The following ARFGEF3 variants were observed in gnomAD, a reference collection of about 807,000 sequenced individuals.
The protein encoded by ARFGEF3 is brefeldin A-inhibited guanine nucleotide-exchange protein 3.
A neutral mutation model predicts 221.7 loss-of-function variants in ARFGEF3; 96 were observed. The observed-to-expected ratio is 0.43, with a 90% CI of 0.37 to 0.51. The LOEUF (loss-of-function observed/expected upper bound fraction) is 0.51, where lower values mean the gene tolerates loss of function less well. ARFGEF3 is among the 20% of genes least tolerant of loss of function. The pLI, the probability that ARFGEF3 is intolerant of heterozygous loss-of-function variation, is 0.00. For missense variants in ARFGEF3, 2,410 were observed against 2,789.9 expected, an observed-to-expected ratio of 0.86 and a Z score of 3.07; for synonymous variants, 1,145 against 1,126.8, an observed-to-expected ratio of 1.02 and a Z score of -0.32.
intron 26 of ARFGEF3, among the ~76,000 whole-genome samples, chr6:138,314,984 T>G (rs1298194095): frequency 6.6e-6 from 1 of 152,246 alleles, no homozygotes; most frequent in East Asian, 1.9e-4. Flanking sequence ...CTAAAACTAC[T>G]GCAAATTTGC....
At position 138,298,708 on chromosome 6, in the gene ARFGEF3, C is replaced by T. The variant is rs1779567949; in HGVS notation, c.3751C>T (p.His1251Tyr). Reference protein sequence around the residue: ...LTDWNEPPHFHFNEALFRPFE... With the variant: ...LTDWNEPPHFYFNEALFRPFE... ...TGACTGGAATGAGCCACCTCATTTT[C>T]ACTTCAATGAAGCACTCTTCCGACC... The change falls in exon 22 of 34, where the codon CAC becomes TAC. Residue 1251 changes from histidine to tyrosine, a missense_variant. By Grantham distance (83) the His-to-Tyr change is moderately conservative (BLOSUM62 2). Around this residue, in one of 5 missense-constraint regions of ARFGEF3, gnomAD observed 723 missense variants for 991.9 expected, o/e 0.73. Transcript: ENST00000251691. 1.2e-6 allele frequency: 2 copies of T among 1,613,650 alleles called. No individual in the cohort carries two copies. Among genetic ancestry groups the T allele is most frequent in the South Asian group, 2.2e-5 (2 of 90,998 alleles).
At chr6:138,312,833 C>G (rs1462321200) in intron 25 of ARFGEF3, among the ~76,000 whole-genome samples, 1 of 152,150 alleles carries the variant, frequency 6.6e-6, no homozygotes, top group Non-Finnish European at 1.5e-5. Flanking sequence ...CTTCAGCCTC[C>G]CGAGTAGCTG....
rs879417638 is a variant in ARFGEF3 at position 138,194,250 on chromosome 6, A to T, written c.138-12792A>T. 4.0e-5 allele frequency among the ~76,000 whole-genome samples: 6 copies of T among 150,446 alleles called. No homozygotes were observed. The Admixed American group carries it at 4.0e-4, about 10-fold the overall frequency. Reference sequence around the variant, plus strand: ...GCTACTGCACTCCAGCCTGGGTGACAGAGCAAGACTCCGTCTCCAAAAAAA... The same window carrying T: ...GCTACTGCACTCCAGCCTGGGTGACTGAGCAAGACTCCGTCTCCAAAAAAA... On this transcript the variant is annotated intron_variant, in intron 2 of 33. Coordinates refer to ENST00000251691, the MANE Select transcript of ARFGEF3 (RefSeq NM_020340.5).
At chr6:138,180,986 A>G (rs1300192256) in intron 2 of ARFGEF3, among the ~76,000 whole-genome samples, 1 of 152,164 alleles carries the variant, frequency 6.6e-6, no homozygotes, top group Non-Finnish European at 1.5e-5. Flanking sequence ...GTCTCCTTTT[A>G]ACATAGTATA....
Position 138,334,828 on chromosome 6 carries a change from G to A in ARFGEF3, c.5982G>A (p.Val1994=). 1.2e-6 allele frequency: 2 copies of A among 1,600,382 alleles called. No individual in the cohort carries two copies. The highest frequency in any genetic ancestry group is 2.3e-5 in the East Asian group (1 of 44,178). Residue 1994 remains valine, a synonymous_variant, in exon 33 of 34, where the codon GTG becomes GTA. Coordinates refer to ENST00000251691, the MANE Select transcript of ARFGEF3 (RefSeq NM_020340.5). This position sits in a 1 kb window ranked among gnomAD's most constrained non-coding sequence, Gnocchi z 5.1. ...GDLLLPPSPK[V]EKKDPSRKKE... ...TGCTGCTGCCCCCCAGCCCCAAAGTGGAGAAGAAGGATCCCAGCCGGAAGA... is the reference window on the plus strand; with the variant it reads ...TGCTGCTGCCCCCCAGCCCCAAAGTAGAGAAGAAGGATCCCAGCCGGAAGA...
chr6:138,287,501 G>A (rs1199662473), intron 17 of ARFGEF3, among the ~76,000 whole-genome samples: 1 of 152,228 alleles, frequency 6.6e-6, no homozygotes, highest in East Asian at 1.9e-4. Context: ...CTTCACACAA[G>A]TGCACACTTG....
At position 138,324,164 on chromosome 6, in the gene ARFGEF3, G is replaced by T. The variant is rs6919776; in HGVS notation, c.5001+10G>T. 9,791 of 1,609,484 alleles carry T rather than the reference G, an allele frequency of 6.1e-3. 457 individuals carry two copies. In the African/African-American group the frequency reaches 0.11, roughly 18 times the overall value. ...AGCCATGGCCCAGCAGGTAAGGGCA[G>T]GGGCTTTTGATCTCAGGAGCTCTAG... On this transcript the variant is annotated intron_variant, in intron 31 of 33. Coordinates refer to ENST00000251691, the MANE Select transcript of ARFGEF3 (RefSeq NM_020340.5).
chr6:138,232,300 A>T (rs1046565640), intron 5 of ARFGEF3, among the ~76,000 whole-genome samples: 1 of 152,160 alleles, frequency 6.6e-6, no homozygotes, highest in Non-Finnish European at 1.5e-5. Context: ...TGAGGTTGAG[A>T]GTTCGAGACC....
At chr6:138,265,117 A>T (rs909081098) in intron 12 of ARFGEF3, among the ~76,000 whole-genome samples, 2 of 152,034 alleles carry the variant, frequency 1.3e-5, no homozygotes, top group South Asian at 4.2e-4. Context: ...GTTAGCCAGG[A>T]TGGTCTCGAT....
chr6:138,328,866 G>A (rs1780171260), intron 32 of ARFGEF3, among the ~76,000 whole-genome samples: 2 of 152,102 alleles, frequency 1.3e-5, no homozygotes, highest in Admixed American at 6.5e-5. Context: ...GCATGATGGC[G>A]CATGCCTGTA....
At chr6:138,217,990 A>G (rs1331174134) in intron 4 of ARFGEF3, 15 of 1,604,492 alleles carry the variant, frequency 9.3e-6, no homozygotes, top group Non-Finnish European at 1.3e-5. Flanking sequence ...CTGAGAGTTT[A>G]TATGATCTGT....
At chr6:138,310,524 C>A (rs1189351761) in intron 24 of ARFGEF3, among the ~76,000 whole-genome samples, 3 of 152,176 alleles carry the variant, frequency 2.0e-5, no homozygotes, top group African/African-American at 7.2e-5. Context: ...CATTTGCTAA[C>A]CCTTGCTCGA....
Position 138,341,673 on chromosome 6 carries a change from T to C in ARFGEF3, c.*5187T>C. ...TAGTAGTGGAGCAATCTAGAAAACA[T>C]ACCTTTTTTGTTTGTTTGGAAGATC... is the stretch of plus-strand genomic sequence containing the variant. On this transcript the variant is annotated 3_prime_UTR_variant, in exon 34 of 34. Coordinates refer to ENST00000251691, the MANE Select transcript of ARFGEF3 (RefSeq NM_020340.5). 1 of 152,142 alleles carries C rather than the reference T, an allele frequency of 6.6e-6. No individual in the cohort carries two copies. The highest frequency in any genetic ancestry group is 1.5e-5 in the Non-Finnish European group (1 of 68,034). The allele number at this position is 152,142 out of a possible 1,614,324, so 9.4% of individuals were successfully genotyped here.
Position 138,334,608 on chromosome 6 carries a change from A to G in ARFGEF3, c.5762A>G (p.Asp1921Gly). The G allele has an allele frequency of 1.2e-6, 2 of 1,613,672 alleles. No homozygotes were observed. The highest frequency in any genetic ancestry group is 1.7e-6 in the Non-Finnish European group (2 of 1,179,888). ...LCNNYIQMHL[D>G]LENCMEEPPI... The stretch of plus-strand genomic sequence containing the variant: ...AACAACTACATCCAGATGCACTTGG[A>G]CCTGGAGAACTGTATGGAGGAGCCT... Residue 1921 changes from aspartate (D) to glycine (G), a missense_variant, in exon 33 of 34, where the codon GAC becomes GGC. By Grantham distance (94) the Asp-to-Gly change is moderately conservative. Coordinates refer to ENST00000251691, the MANE Select transcript of ARFGEF3 (RefSeq NM_020340.5). This position sits in a 1 kb window ranked among gnomAD's most constrained non-coding sequence, Gnocchi z 5.1.
intron 25 of ARFGEF3, among the ~76,000 whole-genome samples, chr6:138,311,929 G>T (rs575916436): frequency 6.6e-6 from 1 of 152,282 alleles, no homozygotes; most frequent in East Asian, 1.9e-4. Context: ...GCAGAGATGG[G>T]TGGATTACCT....
chr6:138,180,146 A>G (rs1777050124), intron 2 of ARFGEF3, among the ~76,000 whole-genome samples: 1 of 152,216 alleles, frequency 6.6e-6, no homozygotes, highest in Non-Finnish European at 1.5e-5. Flanking sequence ...AAAGAAACAT[A>G]TCTGCATCAA....
chr6:138,197,763 TG>T (rs1339003829), intron 2 of ARFGEF3, among the ~76,000 whole-genome samples: 4 of 152,214 alleles, frequency 2.6e-5, no homozygotes, highest in Non-Finnish European at 4.4e-5. Flanking sequence ...CTCAGCACGG[TG>T]ACTGGCATGC....
intron 26 of ARFGEF3, among the ~76,000 whole-genome samples, chr6:138,314,525 A>G (rs563214301): frequency 3.3e-5 from 5 of 152,356 alleles, no homozygotes; most frequent in African/African-American, 1.2e-4. Flanking sequence ...CACCAACTCA[A>G]GAGTCTCATC....
rs1395219534 is a variant in ARFGEF3, at chr6:138,340,648, G to A, written c.*4162G>A. 1 of 152,186 alleles carries A rather than the reference G, an allele frequency of 6.6e-6. No homozygotes were observed. Among genetic ancestry groups the A allele is most frequent in the African/African-American group, 2.4e-5 (1 of 41,432 alleles). 9.4% of individuals were successfully genotyped at this position (152,186 alleles called of 1,614,324 possible). A position where few individuals can be genotyped will look rare whatever the true frequency, so the allele number is the denominator to read the frequency against. On this transcript the variant is annotated 3_prime_UTR_variant, in exon 34 of 34. Coordinates refer to ENST00000251691, the MANE Select transcript of ARFGEF3 (RefSeq NM_020340.5). ...TCCTCACAACAACCTTGTGAGACAA[G>A]TGTTGTGTTCCTCATTTTTTCAGAG...
Sources: allele counts gnomAD v4.1 joint callset (sites outside exome capture counted in the v4.1 genomes callset), GRCh38; gene constraint gnomAD v4.1.1; regional missense constraint gnomAD v4.1.1; non-coding constraint Gnocchi (gnomAD v3.1); transcripts MANE v1.5; gene names NCBI Gene and HGNC (gene_info 2026-07-23, HGNC 2026-07-21).